Variants in TMEM132E observed in about 807,000 individuals in gnomAD.
The protein encoded by TMEM132E is transmembrane protein 132E.
A neutral mutation model predicts 78.5 loss-of-function variants in TMEM132E; 49 were observed. The observed-to-expected ratio is 0.62, with a 90% CI of 0.50 to 0.79. TMEM132E has a LOEUF of 0.79. TMEM132E is among the 30% of genes least tolerant of loss of function. TMEM132E has a pLI of 0.00. For missense variants in TMEM132E, 1,403 were observed against 1,470.9 expected, an observed-to-expected ratio of 0.95 and a Z score of 0.75; for synonymous variants, 715 against 670.6, an observed-to-expected ratio of 1.07 and a Z score of -1.02.
At chr17:34,599,695 C>A (rs776937060) in intron 1 of TMEM132E, among the ~76,000 whole-genome samples, 4 of 151,010 alleles carry the variant, frequency 2.6e-5, no homozygotes, top group Non-Finnish European at 5.9e-5. Flanking sequence ...ATTCCAGTAC[C>A]TGGGTCCTAG....
Position 34,637,921 on chromosome 17 carries a change from A to G in TMEM132E, c.2914A>G (p.Ser972Gly), listed in dbSNP as rs1345969268. The G allele has an allele frequency of 6.2e-7, 1 of 1,606,448 alleles. No individual in the cohort carries two copies. The highest frequency in any genetic ancestry group is 8.5e-7 in the Non-Finnish European group (1 of 1,178,688). ...PAFCHGDHHS[S>G]GSSQTSVQSQ... ...CTTCTGCCACGGCGACCACCACAGC[A>G]GCGGCAGCTCGCAGACCAGCGTCCA... Residue 972 changes from serine to glycine, a missense_variant, in exon 9 of 9, where the codon AGC becomes GGC. This residue lies in a region of TMEM132E where 888 missense variants were observed against 952.8 expected (regional missense o/e 0.93). Transcript: ENST00000631683.
At chr17:34,615,210 T>C (rs1906737600) in intron 1 of TMEM132E, among the ~76,000 whole-genome samples, 1 of 150,382 alleles carries the variant, frequency 6.6e-6, no homozygotes, top group Admixed American at 6.7e-5. Flanking sequence ...TGGGGTCTCA[T>C]GGCCACCTGT....
At position 34,613,376 on chromosome 17, in the gene TMEM132E, C is replaced by A. The variant is rs185699924; in HGVS notation, c.68-12751C>A. On this transcript the variant is annotated intron_variant, in intron 1 of 8. Coordinates refer to ENST00000631683, the MANE Select transcript of TMEM132E (RefSeq NM_001304438.2). ...TAACTCTGAGAGCAGCCCCCTCCCC[C>A]GCACTCCCCTCCCCCGCTGCTCCTG... 2.1e-4 allele frequency among the ~76,000 whole-genome samples: 31 copies of A among 150,646 alleles called. No individual in the cohort carries two copies. The East Asian group carries it at 6.0e-3, about 29-fold the overall frequency.
chr17:34,609,906 G>A (rs1329705926), intron 1 of TMEM132E, among the ~76,000 whole-genome samples: 1 of 152,106 alleles, frequency 6.6e-6, no homozygotes, highest in East Asian at 1.9e-4. Flanking sequence ...TGCCGGTCCA[G>A]CCCCATCTCT....
Position 34,626,870 on chromosome 17 carries a change from A to G in TMEM132E, c.811A>G (p.Ile271Val), listed in dbSNP as rs539506500. Residue 271 changes from isoleucine (I) to valine (V), a missense_variant, in exon 2 of 9, where the codon ATC becomes GTC. This residue lies in a region of TMEM132E where 511 missense variants were observed against 499.0 expected (regional missense o/e 1.02). Transcript: ENST00000631683. Reference protein sequence around the residue: ...ESPTQHPLLRIGSISLFRPPP... With the variant: ...ESPTQHPLLRVGSISLFRPPP... The stretch of plus-strand genomic sequence containing the variant: ...CCCTACCCAGCACCCCCTGCTGCGC[A>G]TCGGGAGCATCAGCCTGTTCCGCCC... 1.2e-6 allele frequency: 2 copies of G among 1,609,460 alleles called. No individual in the cohort carries two copies. Among genetic ancestry groups the G allele is most frequent in the African/African-American group, 2.7e-5 (2 of 74,996 alleles).
chr17:34,599,207 C>G (rs1046549075), intron 1 of TMEM132E, among the ~76,000 whole-genome samples: 1 of 152,126 alleles, frequency 6.6e-6, no homozygotes, highest in Non-Finnish European at 1.5e-5. Flanking sequence ...GTGGGGGGTT[C>G]CCCACAGCAA....
At chr17:34,612,468 C>A (rs147514960) in intron 1 of TMEM132E, among the ~76,000 whole-genome samples, 1 of 152,140 alleles carries the variant, frequency 6.6e-6, no homozygotes, top group African/African-American at 2.4e-5. Context: ...CCGGCAGAGC[C>A]CCCACTCAGA....
intron 1 of TMEM132E, among the ~76,000 whole-genome samples, chr17:34,587,155 C>A (rs1025508306): frequency 3.3e-5 from 5 of 152,208 alleles, no homozygotes; most frequent in Non-Finnish European, 5.9e-5. Flanking sequence ...GGTCCAGGTT[C>A]TCAGCAGCAT....
chr17:34,613,209 ACACGCGCGCG>A (rs1906660487), intron 1 of TMEM132E, among the ~76,000 whole-genome samples: 3 of 63,514 alleles, frequency 4.7e-5, no homozygotes, highest in Non-Finnish European at 1.2e-4. Flanking sequence ...ACACACACAC[ACACGCGCGCG>A]CGCGCGCGTT....
intron 1 of TMEM132E, among the ~76,000 whole-genome samples, chr17:34,604,170 G>A (rs2142061954): frequency 6.6e-6 from 1 of 152,308 alleles, no homozygotes; most frequent in East Asian, 1.9e-4. Flanking sequence ...ACATGTCCAA[G>A]GTCACACAGC....
chr17:34,631,640 C>T (rs1303089645), intron 5 of TMEM132E, among the ~76,000 whole-genome samples: 5 of 152,184 alleles, frequency 3.3e-5, no homozygotes, highest in Non-Finnish European at 7.3e-5. Flanking sequence ...CATCCCTCCA[C>T]CCACCCCTCT....
intron 1 of TMEM132E, among the ~76,000 whole-genome samples, chr17:34,599,825 G>A (rs930233915): frequency 6.6e-6 from 1 of 152,156 alleles, no homozygotes; most frequent in South Asian, 2.1e-4. Flanking sequence ...GTGGTGGAGG[G>A]AGTGGGGAGG....
Position 34,626,611 on chromosome 17 carries a change from G to A in TMEM132E, c.552G>A (p.Gly184=), listed in dbSNP as rs1282813738. 4 of 1,508,602 alleles carry A rather than the reference G, an allele frequency of 2.7e-6. No homozygotes were observed. Among genetic ancestry groups the A allele is most frequent in the South Asian group, 2.6e-5 (2 of 76,896 alleles). 93.5% of individuals were successfully genotyped at this position (1,508,602 alleles called of 1,614,324 possible). ...TCAAGAGCTCCTGCCGCCTCAGCGG[G>A]GGCCTGGCCACTTGTCTGGTGCGGG... ...REVKSSCRLS[G]GLATCLVRAE... is the part of the protein sequence containing the mutation. Residue 184 remains glycine (G), a synonymous_variant, in exon 2 of 9, where the codon GGG becomes GGA. Transcript: ENST00000631683.
intron 1 of TMEM132E, among the ~76,000 whole-genome samples, chr17:34,617,736 A>G (rs1906828242): frequency 1.3e-5 from 2 of 152,228 alleles, no homozygotes; most frequent in Middle Eastern, 3.2e-3. Context: ...TCCAAAGCCA[A>G]ACGGGCTCTT....
At chr17:34,628,855 C>T (rs1907249109) in intron 3 of TMEM132E, 146 bp downstream of exon 3, 1 of 1,364,980 alleles carries the variant, frequency 7.3e-7, no homozygotes, top group Non-Finnish European at 9.7e-7. Flanking sequence ...TCAGTGGGAT[C>T]CTGGGGCTGG....
intron 1 of TMEM132E, among the ~76,000 whole-genome samples, chr17:34,586,112 GAGCACACGCCTCTCTCCCCA>G (rs1186136094): frequency 4.6e-5 from 7 of 151,716 alleles, no homozygotes; most frequent in African/African-American, 7.3e-5. Context: ...TTCTCTGTCA[GAGCACACGCCTCTCTCCCCA>G]AGCACACGCC....
In TMEM132E at chr17:34,601,359, A is replaced by T. The variant is rs538922643; in HGVS notation, c.67+20216A>T. The stretch of plus-strand genomic sequence containing the variant: ...TGGGGCAGCCATTGAACTCAGAGTG[A>T]GGGGCTTGGAGGAGATCCCCCAGTC... On this transcript the variant is annotated intron_variant, in intron 1 of 8. Transcript: ENST00000631683. Among the ~76,000 whole-genome samples, 37 of 152,276 alleles carry T rather than the reference A, an allele frequency of 2.4e-4. No individual in the cohort carries two copies. In the South Asian group the frequency reaches 7.5e-3, roughly 31 times the overall value.
intron 1 of TMEM132E, among the ~76,000 whole-genome samples, chr17:34,608,736 T>C (rs1043149087): frequency 1.3e-5 from 2 of 152,172 alleles, no homozygotes; most frequent in Non-Finnish European, 2.9e-5. Flanking sequence ...TCAAACCACA[T>C]AAGACCTCTT....
chr17:34,637,868 C>T lies in TMEM132E; in HGVS notation c.2861C>T (p.Ala954Val). The change falls in exon 9 of 9, where the codon GCA (alanine) becomes GTA (valine). Residue 954 changes from alanine (A) to valine (V), a missense_variant. Physicochemically the swap from Ala to Val is moderately conservative, Grantham distance 64. Coordinates refer to ENST00000631683, the MANE Select transcript of TMEM132E (RefSeq NM_001304438.2). ...GTGCAAGGAGAGCTGTCGCCGCCAG[C>T]AGGCAACCCGCTGGAAACCGTGCCC... ...LRVQGELSPP[A>V]GNPLETVPAF... 1 of 1,608,754 alleles carries T rather than the reference C, an allele frequency of 6.2e-7. No homozygotes were observed. Among genetic ancestry groups the T allele is most frequent in the Non-Finnish European group, 8.5e-7 (1 of 1,178,748 alleles).
Sources: allele counts gnomAD v4.1 joint callset (sites outside exome capture counted in the v4.1 genomes callset), GRCh38; gene constraint gnomAD v4.1.1; regional missense constraint gnomAD v4.1.1; transcripts MANE v1.5; gene names NCBI Gene and HGNC (gene_info 2026-07-23, HGNC 2026-07-21).